The following RBFOX1 variants were observed in gnomAD, a reference collection of about 807,000 sequenced individuals.
The protein encoded by RBFOX1 is RNA binding fox-1 homolog 1.
A neutral mutation model predicts 57.7 loss-of-function variants in RBFOX1; 8 were observed. The observed-to-expected ratio is 0.14, with a 90% CI of 0.08 to 0.25. The LOEUF is 0.25. RBFOX1 is among the 10% of genes least tolerant of loss of function. RBFOX1 has a pLI of 1.00. For synonymous variants in RBFOX1, 326 were observed against 222.4 expected (o/e 1.47, Z -4.15); for missense variants, 611 against 548.5 (o/e 1.11, Z -1.14).
intron 5 of RBFOX1, among the ~76,000 whole-genome samples, chr16:7,565,623 T>C (rs1233417134): frequency 6.6e-6 from 1 of 152,214 alleles, no homozygotes; most frequent in Non-Finnish European, 1.5e-5. Flanking sequence ...ATCAATTTGG[T>C]CCAAAGTACT....
intron 3 of RBFOX1, among the ~76,000 whole-genome samples, chr16:6,883,945 C>T (rs1039564609): frequency 6.6e-6 from 1 of 152,120 alleles, no homozygotes; most frequent in South Asian, 2.1e-4. Flanking sequence ...GACGTTGCTA[C>T]TTGCCACGGT....
At chr16:7,425,331 T>C (rs1339424747) in intron 4 of RBFOX1, among the ~76,000 whole-genome samples, 1 of 152,192 alleles carries the variant, frequency 6.6e-6, no homozygotes, top group African/African-American at 2.4e-5. Context: ...TGATGAGTAA[T>C]AGTTGAGTTG....
chr16:6,169,839 A>ACTGCAACCG (rs144529881), intron 1 of RBFOX1, among the ~76,000 whole-genome samples: 324 of 152,098 alleles, frequency 2.1e-3, no homozygotes, highest in Non-Finnish European at 4.1e-3. Context: ...ATCTCAGCTC[A>ACTGCAACCG]CTGCAACCTC....
chr16:7,670,334 C>A (rs1363896120), intron 13 of RBFOX1, among the ~76,000 whole-genome samples: 1 of 152,108 alleles, frequency 6.6e-6, no homozygotes, highest in Non-Finnish European at 1.5e-5. Context: ...GTGTGGCCAA[C>A]AGGAAACTTT....
intron 2 of RBFOX1, among the ~76,000 whole-genome samples, chr16:5,546,292 C>T (rs918754819): frequency 1.3e-5 from 2 of 152,030 alleles, no homozygotes; most frequent in African/African-American, 4.8e-5. Flanking sequence ...CTCATCTAGG[C>T]TTTTTTGCGG....
intron 3 of RBFOX1, among the ~76,000 whole-genome samples, chr16:5,834,722 G>GATAGATAC (rs1479753494): frequency 2.8e-4 from 38 of 133,724 alleles, no homozygotes; most frequent in African/African-American, 1.0e-3. Context: ...TAGATACATA[G>GATAGATAC]ATACATAGAT....
At chr16:7,268,277 A>C (rs2095225671) in intron 4 of RBFOX1, among the ~76,000 whole-genome samples, 1 of 152,138 alleles carries the variant, frequency 6.6e-6, no homozygotes, top group Non-Finnish European at 1.5e-5. Context: ...TGCATTTTCA[A>C]AATATTTTGG....
chr16:6,855,427 G>A (rs192234837), intron 3 of RBFOX1, among the ~76,000 whole-genome samples: 395 of 152,076 alleles, frequency 2.6e-3, no homozygotes, highest in Middle Eastern at 0.01. Flanking sequence ...TGAGGCGGGC[G>A]GATCATGAGG....
chr16:6,510,607 A>G lies in RBFOX1; in HGVS notation c.-63-143996A>G, dbSNP rs140039757. ...AAGTCGGGAGGATGAAAGCCTGCGT[A>G]TGCCTCCAGAGGCTCCCTACCAAAT... On this transcript the variant is annotated intron_variant, in intron 2 of 15. Transcript: ENST00000550418. Among the ~76,000 whole-genome samples the G allele has an allele frequency of 4.9e-3, 746 of 152,300 alleles. 22 individuals are homozygous for G. The East Asian group carries it at 0.094, about 19-fold the overall frequency.
chr16:7,623,790 T>C (rs2059671023), intron 10 of RBFOX1, among the ~76,000 whole-genome samples: 1 of 152,192 alleles, frequency 6.6e-6, no homozygotes, highest in Non-Finnish European at 1.5e-5. Context: ...CCTCTCTCCT[T>C]GGCTTGCAGA....
chr16:6,157,025 G>A (rs1474865009), intron 1 of RBFOX1, among the ~76,000 whole-genome samples: 1 of 151,826 alleles, frequency 6.6e-6, no homozygotes, highest in African/African-American at 2.4e-5. Context: ...TTGTAGAGAT[G>A]GGGTCTTGCT....
At chr16:6,933,045 T>G (rs1349894386) in intron 3 of RBFOX1, among the ~76,000 whole-genome samples, 1 of 152,214 alleles carries the variant, frequency 6.6e-6, no homozygotes, top group Non-Finnish European at 1.5e-5. Context: ...TCCTTAAGGT[T>G]CATCTGTGTC....
upstream of RBFOX1, among the ~76,000 whole-genome samples, chr16:6,015,917 T>C (rs1280383831): frequency 6.6e-6 from 1 of 152,220 alleles, no homozygotes; most frequent in Non-Finnish European, 1.5e-5. Context: ...CTAGTTTATA[T>C]ACTAAATGGT....
intron 1 of RBFOX1, among the ~76,000 whole-genome samples, chr16:5,344,778 A>T (rs781038447): frequency 5.9e-5 from 9 of 152,198 alleles, no homozygotes; most frequent in Admixed American, 2.0e-4. Context: ...AAATTATCCA[A>T]CGTTATTTAA....
At chr16:7,360,774 A>G (rs961856165) in intron 4 of RBFOX1, among the ~76,000 whole-genome samples, 1 of 152,126 alleles carries the variant, frequency 6.6e-6, no homozygotes, top group Non-Finnish European at 1.5e-5. Flanking sequence ...GTGTTGGCCA[A>G]GTCTTCTTTT....
intron 1 of RBFOX1, among the ~76,000 whole-genome samples, chr16:6,184,217 G>T (rs1450594124): frequency 6.6e-6 from 1 of 152,116 alleles, no homozygotes; most frequent in Admixed American, 6.6e-5. Context: ...TGGGAATTAT[G>T]GGAACTACAG....
chr16:5,763,721 T>A (rs74006263), intron 3 of RBFOX1, among the ~76,000 whole-genome samples: 1 of 152,178 alleles, frequency 6.6e-6, no homozygotes, highest in African/African-American at 2.4e-5. Flanking sequence ...AGGTCGAGGT[T>A]CAACCGACTG....
rs147497927 is a variant in RBFOX1, at chr16:7,033,303, C to T, written c.-15-18754C>T. On this transcript the variant is annotated intron_variant, in intron 3 of 15. Coordinates refer to ENST00000550418, the MANE Select transcript of RBFOX1 (RefSeq NM_018723.4). The stretch of plus-strand genomic sequence containing the variant: ...GGGAGGCCGAGGCGGGCAGATCACC[C>T]GAGGCCAGGAGTTTGAGACCAGCCT... Among the ~76,000 whole-genome samples, 245 of 152,222 alleles carry T rather than the reference C, an allele frequency of 1.6e-3. 1 individual carries two copies. The highest frequency in any genetic ancestry group is 6.4e-3 in the East Asian group (33 of 5,146).
At position 6,045,440 on chromosome 16, in the gene RBFOX1, C is replaced by G. The variant is rs1443192399; in HGVS notation, c.-127+25448C>G. On this transcript the variant is annotated intron_variant, in intron 1 of 15. Transcript: ENST00000550418. ...ACAGACTCAGTGGGGTCTTGAGTAG[C>G]AAAACACAGCCAGACCTCTTCATAT... 4.6e-5 allele frequency among the ~76,000 whole-genome samples: 7 copies of G among 152,132 alleles called. No individual in the cohort carries two copies. The East Asian group carries it at 1.4e-3, about 29-fold the overall frequency.
Sources: gnomAD v4.1 joint callset for allele counts (sites outside exome capture counted in the v4.1 genomes callset) on GRCh38, gnomAD v4.1.1 for gene constraint, MANE v1.5 for transcripts, NCBI Gene and HGNC (gene_info 2026-07-23, HGNC 2026-07-21) for gene names.